Variants in SLC4A7 observed in about 807,000 individuals in gnomAD.
The protein encoded by SLC4A7 is sodium bicarbonate cotransporter 3.
Under a neutral mutation model 137.6 loss-of-function variants are expected in SLC4A7, and 51 were observed. That is an observed-to-expected ratio of 0.37 (90% confidence interval 0.30 to 0.47). The LOEUF (loss-of-function observed/expected upper bound fraction) is 0.47. Ranked by LOEUF, SLC4A7 falls within the 20% of genes least tolerant of loss-of-function variation. The probability of loss-of-function intolerance (pLI) is 1.00; values close to 1 mark genes in which losing one functional copy is unlikely to be tolerated. For synonymous variants in SLC4A7, 542 were observed against 518.6 expected (o/e 1.05, Z -0.61); for missense variants, 1,247 against 1,525.4 (o/e 0.82, Z 3.04).
intron 1 of SLC4A7, among the ~76,000 whole-genome samples, chr3:27,467,445 A>C (rs1167427297): frequency 6.6e-6 from 1 of 152,250 alleles, no homozygotes; most frequent in Non-Finnish European, 1.5e-5. Context: ...AGCTAATTAA[A>C]TTGAAATCGC....
intron 20 of SLC4A7, 89 bp from the exon 21 acceptor site, chr3:27,391,897 G>T: frequency 1.3e-6 from 1 of 751,738 alleles, no homozygotes; most frequent in East Asian, 2.8e-5. Context: ...AGAATTAAAA[G>T]ATTTTTCAAT....
intron 2 of SLC4A7, among the ~76,000 whole-genome samples, chr3:27,451,046 A>G (rs1030694219): frequency 2.6e-5 from 4 of 152,082 alleles, no homozygotes; most frequent in East Asian, 1.9e-4. Flanking sequence ...CCTAGCTCCT[A>G]TAATTCACAG....
intron 13 of SLC4A7, among the ~76,000 whole-genome samples, chr3:27,405,184 T>G (rs1157445171): frequency 6.6e-6 from 1 of 152,194 alleles, no homozygotes; most frequent in African/African-American, 2.4e-5. Flanking sequence ...GAAACTTTTG[T>G]GATCATCCTT....
At chr3:27,396,016 T>C (rs1174560408) in intron 18 of SLC4A7, among the ~76,000 whole-genome samples, 1 of 152,180 alleles carries the variant, frequency 6.6e-6, no homozygotes, top group Non-Finnish European at 1.5e-5. Context: ...TAAGATTTTA[T>C]AGCAATTTTT....
At chr3:27,441,766 A>G (rs1007560033) in intron 3 of SLC4A7, among the ~76,000 whole-genome samples, 1 of 152,078 alleles carries the variant, frequency 6.6e-6, no homozygotes, top group Non-Finnish European at 1.5e-5. Flanking sequence ...AATTACAGGC[A>G]TGCGTCAACA....
chr3:27,406,825 C>T (rs1447265134), intron 13 of SLC4A7, among the ~76,000 whole-genome samples: 2 of 151,762 alleles, frequency 1.3e-5, no homozygotes, highest in East Asian at 1.9e-4. Context: ...CCAGCTACTC[C>T]GGAGGTTATG....
intron 3 of SLC4A7, among the ~76,000 whole-genome samples, chr3:27,443,097 T>C (rs1242648485): frequency 2.1e-5 from 3 of 143,536 alleles, no homozygotes; most frequent in Non-Finnish European, 4.5e-5. Context: ...AGTGGTGAGA[T>C]CTCAGCTCAC....
chr3:27,445,428 T>C (rs2057513571), intron 3 of SLC4A7, among the ~76,000 whole-genome samples: 1 of 152,124 alleles, frequency 6.6e-6, no homozygotes. Flanking sequence ...TCATCATAGG[T>C]ATTCTCTCAC....
chr3:27,381,873 G>A (rs561770142), intron 24 of SLC4A7, among the ~76,000 whole-genome samples: 1 of 152,084 alleles, frequency 6.6e-6, no homozygotes, highest in Non-Finnish European at 1.5e-5. Flanking sequence ...ATCACCTGAG[G>A]GCAGGAGTTT....
chr3:27,434,057 T>C lies in SLC4A7; in HGVS notation c.637A>G (p.Ile213Val). 6.2e-7 allele frequency: 1 copy of C among 1,613,734 alleles called. No homozygotes were observed. The highest frequency in any genetic ancestry group is 2.2e-5 in the East Asian group (1 of 44,814). ...AGAGCTTCTCTGACATTCTCTCGTA[T>C]GGACTCGTCTAATTGGCCAGAAGCT... ...MIASGQLDES[I>V]RENVREALLK... The change falls in exon 6 of 26, where the codon ATA becomes GTA. Residue 213 changes from isoleucine to valine, a missense_variant. Coordinates refer to ENST00000454389, the MANE Select transcript of SLC4A7 (RefSeq NM_001321103.2).
intron 11 of SLC4A7, among the ~76,000 whole-genome samples, chr3:27,413,770 G>A (rs967623686): frequency 1.3e-5 from 2 of 152,140 alleles, no homozygotes; most frequent in African/African-American, 4.8e-5. Context: ...AGAAATACTA[G>A]AGACATTTGA....
intron 1 of SLC4A7, among the ~76,000 whole-genome samples, chr3:27,466,757 TGA>T (rs1230112402): frequency 6.6e-6 from 1 of 151,838 alleles, no homozygotes; most frequent in Non-Finnish European, 1.5e-5. Flanking sequence ...CTAGGGAGGC[TGA>T]GACAGGAGAA....
rs1237833720 is a variant in SLC4A7 at position 27,376,521 on chromosome 3, A to C, written c.*243T>G. ...TCCACATCCTTCTATTGCAAAACAG[A>C]AAATTTTTTTTTCTAACAGAATAAA... On this transcript the variant is annotated 3_prime_UTR_variant, in exon 26 of 26. Coordinates refer to ENST00000454389, the MANE Select transcript of SLC4A7 (RefSeq NM_001321103.2). 3.6e-6 allele frequency: 1 copy of C among 280,230 alleles called. No individual in the cohort carries two copies. Among genetic ancestry groups the C allele is most frequent in the Non-Finnish European group, 6.6e-6 (1 of 152,222 alleles). The allele number at this position is 280,230 out of a possible 1,614,324, so 17.4% of individuals were successfully genotyped here.
At chr3:27,453,293 TAGAG>T (rs2058199137) in intron 1 of SLC4A7, among the ~76,000 whole-genome samples, 1 of 152,184 alleles carries the variant, frequency 6.6e-6, no homozygotes, top group Non-Finnish European at 1.5e-5. Context: ...ATGCCACTGC[TAGAG>T]AGAGAACAAA....
chr3:27,453,609 G>A (rs552596392), intron 1 of SLC4A7, among the ~76,000 whole-genome samples: 8 of 152,272 alleles, frequency 5.3e-5, no homozygotes, highest in South Asian at 2.1e-4. Context: ...ATGAAACTCC[G>A]TCTAAAAATG....
Position 27,421,694 on chromosome 3 carries a change from G to A in SLC4A7, c.1352C>T (p.Pro451Leu). The A allele has an allele frequency of 6.2e-7, 1 of 1,613,788 alleles. No individual in the cohort carries two copies. The highest frequency in any genetic ancestry group is 1.1e-5 in the South Asian group (1 of 91,066). ...LVGEVDFLER[P>L]IIAFVRLAPA... is the part of the protein sequence containing the mutation. ...AGCCAGTCTCACAAATGCAATTATT[G>A]GCCTTTCCAAAAAGTCTACTTCGCC... The change falls in exon 9 of 26, where the codon CCA (proline) becomes CTA (leucine). Residue 451 changes from proline (P) to leucine (L), a missense_variant. This residue lies in a region of SLC4A7 where 499 missense variants were observed against 664.2 expected (regional missense o/e 0.75). Transcript: ENST00000454389.
At chr3:27,481,868 G>A (rs946676626) in intron 1 of SLC4A7, among the ~76,000 whole-genome samples, 1 of 152,136 alleles carries the variant, frequency 6.6e-6, no homozygotes, top group Non-Finnish European at 1.5e-5. Context: ...GGGTGCCATG[G>A]CTTACACCTG....
intron 12 of SLC4A7, among the ~76,000 whole-genome samples, chr3:27,411,168 CAG>C (rs1178115815): frequency 6.6e-6 from 1 of 151,974 alleles, no homozygotes; most frequent in African/African-American, 2.4e-5. Flanking sequence ...GCTAGGTTTC[CAG>C]AGAGCAATAC....
chr3:27,417,734 A>T (rs1430804967), intron 11 of SLC4A7, among the ~76,000 whole-genome samples: 1 of 152,188 alleles, frequency 6.6e-6, no homozygotes, highest in Non-Finnish European at 1.5e-5. Context: ...AGCCTGGGTG[A>T]CAGAGCAAGA....
Sources: gnomAD v4.1 joint callset for allele counts (sites outside exome capture counted in the v4.1 genomes callset) on GRCh38, gnomAD v4.1.1 for gene constraint, gnomAD v4.1.1 regional missense constraint, MANE v1.5 for transcripts, NCBI Gene and HGNC (gene_info 2026-07-23, HGNC 2026-07-21) for gene names.